ABCA13: variants seen among roughly 807,000 people sequenced by gnomAD.
ABCA13 encodes the protein ATP binding cassette subfamily A member 13.
In ABCA13, 476 loss-of-function variants were observed where a neutral mutation model predicts 478.7. The observed-to-expected ratio is 0.99, with a 90% confidence interval of 0.92 to 1.07. The LOEUF (loss-of-function observed/expected upper bound fraction) is 1.07. ABCA13 is among the 50% of genes least tolerant of loss of function. ABCA13 has a pLI of 0.00. For synonymous variants in ABCA13, 2,252 were observed against 2,158.9 expected, an observed-to-expected ratio of 1.04 and a Z score of -1.20; for missense variants, 6,060 against 5,910.6, an observed-to-expected ratio of 1.03 and a Z score of -0.83.
intron 29 of ABCA13, among the ~76,000 whole-genome samples, chr7:48,348,090 A>G (rs1173257138): frequency 6.6e-6 from 1 of 152,224 alleles, no homozygotes; most frequent in Non-Finnish European, 1.5e-5. Context: ...AATGGGCACC[A>G]TGCCAAGATA....
chr7:48,215,865 G>T (rs1200161690), intron 3 of ABCA13, among the ~76,000 whole-genome samples: 1 of 152,086 alleles, frequency 6.6e-6, no homozygotes, highest in Non-Finnish European at 1.5e-5. Flanking sequence ...TAAGTTATAG[G>T]CTTTGTTTGG....
intron 42 of ABCA13, among the ~76,000 whole-genome samples, chr7:48,445,913 G>A (rs1824239928): frequency 6.6e-6 from 1 of 152,022 alleles, no homozygotes; most frequent in African/African-American, 2.4e-5. Context: ...TAACCACTTG[G>A]CCTTACCTGG....
At position 48,613,195 on chromosome 7, in the gene ABCA13, C is replaced by CT. The variant is rs796791064; in HGVS notation, c.14745-2080dup. On this transcript the variant is annotated intron_variant, in intron 58 of 61. Transcript: ENST00000435803. ...TAGGTCTATTGGAATTTTTTTCTTT[C>CT]TTTTTTTTTTGAGATGGAGTCTTAC... is the stretch of plus-strand genomic sequence containing the variant. 3.7e-3 allele frequency among the ~76,000 whole-genome samples: 550 copies of CT among 146,904 alleles called. 1 individual carries two copies. The highest frequency in any genetic ancestry group is 0.012 in the African/African-American group (501 of 40,188).
Position 48,266,106 on chromosome 7 carries a change from G to A in ABCA13, c.2006-2874G>A, listed in dbSNP as rs961403458. ...TTATTTTAAATGTTAAATTAACCTT[G>A]CATAACTGAGATAAACTCCACTTGA... On this transcript the variant is annotated intron_variant, in intron 15 of 61. Coordinates refer to ENST00000435803, the MANE Select transcript of ABCA13 (RefSeq NM_152701.5). Among the ~76,000 whole-genome samples, 12 of 151,526 alleles carry A rather than the reference G, an allele frequency of 7.9e-5. 1 individual carries two copies. Among genetic ancestry groups the A allele is most frequent in the African/African-American group, 2.4e-4 (10 of 41,372 alleles).
At chr7:48,351,141 T>G (rs1808913021) in intron 30 of ABCA13, among the ~76,000 whole-genome samples, 1 of 152,332 alleles carries the variant, frequency 6.6e-6, no homozygotes, top group South Asian at 2.1e-4. Context: ...CACCATAAGT[T>G]ATATTATTCC....
chr7:48,274,900 A>G lies in ABCA13; in HGVS notation c.5234A>G (p.Asp1745Gly). The change falls in exon 17 of 62, where the codon GAT (aspartate) becomes GGT (glycine). Residue 1745 changes from aspartate (D) to glycine (G), a missense_variant. Transcript: ENST00000435803. ...AAAGATGTTGTGGATGCTGTGATAG[A>G]TGTGTACTATGTGCTTCCTCATGCT... ...FPKDVVDAVI[D>G]VYYVLPHAVR... 6.2e-7 allele frequency: 1 copy of G among 1,613,858 alleles called. No individual in the cohort carries two copies. Among genetic ancestry groups the G allele is most frequent in the South Asian group, 1.1e-5 (1 of 91,076 alleles).
intron 59 of ABCA13, among the ~76,000 whole-genome samples, chr7:48,624,889 AT>A (rs2131609139): frequency 6.6e-6 from 1 of 151,724 alleles, no homozygotes; most frequent in African/African-American, 2.4e-5. Context: ...TTTCTTTTTT[AT>A]TTTTTATAAA....
At chr7:48,625,418 A>G (rs1017886767) in intron 59 of ABCA13, among the ~76,000 whole-genome samples, 4 of 152,246 alleles carry the variant, frequency 2.6e-5, no homozygotes, top group African/African-American at 9.6e-5. Flanking sequence ...ATGATGTGCT[A>G]CTGAGTTATA....
At chr7:48,557,844 A>G (rs1786003412) in intron 55 of ABCA13, among the ~76,000 whole-genome samples, 1 of 152,068 alleles carries the variant, frequency 6.6e-6, no homozygotes, top group African/African-American at 2.4e-5. Flanking sequence ...TCCTTCTCTC[A>G]GTTTGGTAAG....
Position 48,274,220 on chromosome 7 carries a change from T to C in ABCA13, c.4554T>C (p.Asn1518=). 1 of 1,613,044 alleles carries C rather than the reference T, an allele frequency of 6.2e-7. No individual in the cohort carries two copies. The highest frequency in any genetic ancestry group is 8.5e-7 in the Non-Finnish European group (1 of 1,179,454). The part of the protein sequence containing the change: ...TTDFDFASQS[N]WRYFTELILR... ...ACTTTGATTTTGCATCTCAGTCCAA[T>C]TGGAGATATTTTACTGAATTAATTC... Residue 1518 remains asparagine, a synonymous_variant, in exon 17 of 62, where the codon AAT becomes AAC. Transcript: ENST00000435803.
At chr7:48,609,783 A>G (rs1426631790) in intron 58 of ABCA13, among the ~76,000 whole-genome samples, 4 of 152,218 alleles carry the variant, frequency 2.6e-5, no homozygotes, top group African/African-American at 4.8e-5. Flanking sequence ...AAGGAGAAAG[A>G]GTGTCAAGGG....
chr7:48,222,870 T>C (rs1787572659), intron 5 of ABCA13, among the ~76,000 whole-genome samples: 1 of 152,062 alleles, frequency 6.6e-6, no homozygotes, highest in South Asian at 2.1e-4. Context: ...TCTTTGGACA[T>C]TGTGTCAAGC....
In ABCA13 at chr7:48,268,956, T is replaced by A. The variant is rs757711583; in HGVS notation, c.2006-24T>A. 2.4e-6 allele frequency: 3 copies of A among 1,271,880 alleles called. No homozygotes were observed. The Admixed American group carries it at 5.7e-5, about 24-fold the overall frequency. 78.8% of individuals were successfully genotyped at this position (1,271,880 alleles called of 1,614,324 possible). A position where few individuals can be genotyped will look rare whatever the true frequency, so the allele number is the denominator to read the frequency against. On this transcript the variant is annotated intron_variant, in intron 15 of 61. Coordinates refer to ENST00000435803, the MANE Select transcript of ABCA13 (RefSeq NM_152701.5). The stretch of plus-strand genomic sequence containing the variant: ...TCTGTTATAACCAGTTTATAATTAA[T>A]GTAGAAAATGTCTTTTTATTTAGCT...
intron 1 of ABCA13, among the ~76,000 whole-genome samples, chr7:48,189,285 G>T (rs575117602): frequency 1.6e-4 from 25 of 152,224 alleles, no homozygotes; most frequent in African/African-American, 6.0e-4. Flanking sequence ...CATATAAGAA[G>T]AAAAACGTGA....
chr7:48,593,677 T>A (rs1015956025), intron 57 of ABCA13, among the ~76,000 whole-genome samples: 4 of 152,110 alleles, frequency 2.6e-5, no homozygotes, highest in Admixed American at 2.6e-4. Flanking sequence ...ATTTTTTTTT[T>A]ATAAGACAGG....
At chr7:48,610,939 G>T (rs1456376842) in intron 58 of ABCA13, among the ~76,000 whole-genome samples, 1 of 152,182 alleles carries the variant, frequency 6.6e-6, no homozygotes, top group Non-Finnish European at 1.5e-5. Context: ...ATGCGAGGGG[G>T]GCTGCCTAGA....
At chr7:48,483,305 TA>T (rs1828965503) in intron 47 of ABCA13, 142 bp downstream of exon 47, 1 of 701,678 alleles carries the variant, frequency 1.4e-6, no homozygotes, top group Non-Finnish European at 2.2e-6. Context: ...AAATTATATG[TA>T]AACATTGTCT....
rs1789050025 is a variant in ABCA13, at chr7:48,231,353, A to G, written c.763+1398A>G. ...TTTGAAGGGTGAGTTGGAGTTTATC[A>G]AAGAGATGAGGGAGCATTTCCAGGA... On this transcript the variant is annotated intron_variant, in intron 7 of 61. Transcript: ENST00000435803. 4.6e-5 allele frequency among the ~76,000 whole-genome samples: 7 copies of G among 152,272 alleles called. No homozygotes were observed. The South Asian group carries it at 1.5e-3, about 32-fold the overall frequency.
intron 2 of ABCA13, among the ~76,000 whole-genome samples, chr7:48,197,172 C>T (rs1298602152): frequency 6.6e-6 from 1 of 152,142 alleles, no homozygotes; most frequent in Non-Finnish European, 1.5e-5. Flanking sequence ...AGGCACAAGC[C>T]CAGGGTGCTG....
Sources: gnomAD v4.1 joint callset for allele counts (sites outside exome capture counted in the v4.1 genomes callset) on GRCh38, gnomAD v4.1.1 for gene constraint, MANE v1.5 for transcripts, NCBI Gene and HGNC (gene_info 2026-07-23, HGNC 2026-07-21) for gene names.